Variants in CMC1 observed in about 807,000 individuals in gnomAD.
The protein encoded by CMC1 is C-X9-C motif containing 1.
Under a neutral mutation model 14.1 loss-of-function variants are expected in CMC1, and 14 were observed. The ratio of observed to expected loss-of-function variants is 0.99; its 90% CI spans 0.66 to 1.55. The LOEUF (loss-of-function observed/expected upper bound fraction) is 1.55. Ranked by LOEUF, CMC1 falls within the 40% of genes most tolerant of loss-of-function variation. The probability of loss-of-function intolerance (pLI) is 0.00; values close to 1 mark genes in which losing one functional copy is unlikely to be tolerated. For synonymous variants in CMC1, 50 were observed against 38.4 expected, an observed-to-expected ratio of 1.30 and a Z score of -1.12; for missense variants, 127 against 123.8, an observed-to-expected ratio of 1.03 and a Z score of -0.12.
chr3:28,255,722 T>TACATAC (rs1699368080), intron 1 of CMC1, among the ~76,000 whole-genome samples: 1 of 144,268 alleles, frequency 6.9e-6, no homozygotes, highest in Admixed American at 7.0e-5. Context: ...TACATGTACA[T>TACATAC]ACACACACAC....
At chr3:28,251,241 G>A (rs537083706) in intron 1 of CMC1, among the ~76,000 whole-genome samples, 1 of 152,274 alleles carries the variant, frequency 6.6e-6, no homozygotes, top group Non-Finnish European at 1.5e-5. Context: ...GGGGAAGCGG[G>A]CATGTGTGAA....
chr3:28,262,545 A>G (rs1385558132), intron 1 of CMC1, among the ~76,000 whole-genome samples: 3 of 152,134 alleles, frequency 2.0e-5, no homozygotes, highest in Non-Finnish European at 4.4e-5. Flanking sequence ...GCTTCAGAGC[A>G]TGGAGCAGCA....
chr3:28,246,185 C>CA (rs879872776), intron 1 of CMC1, among the ~76,000 whole-genome samples: 65 of 131,118 alleles, frequency 5.0e-4, no homozygotes, highest in African/African-American at 9.9e-4. Flanking sequence ...TGGCTCAGAA[C>CA]AAAAAAAAAA....
intron 2 of CMC1, among the ~76,000 whole-genome samples, chr3:28,287,078 A>T (rs1382325541): frequency 6.6e-6 from 1 of 152,118 alleles, no homozygotes; most frequent in Non-Finnish European, 1.5e-5. Context: ...TTGGTGACCA[A>T]TTCTCGGATT....
intron 1 of CMC1, among the ~76,000 whole-genome samples, chr3:28,256,957 C>G (rs1210328076): frequency 6.6e-6 from 1 of 151,928 alleles, no homozygotes; most frequent in Non-Finnish European, 1.5e-5. Context: ...TCAATTGAAC[C>G]TAAACACTAG....
chr3:28,274,514 A>G (rs35813951), intron 2 of CMC1, among the ~76,000 whole-genome samples: 39,744 of 151,760 alleles, frequency 0.26, 5,708 homozygotes, highest in African/African-American at 0.36. Flanking sequence ...TTTTTAGGTG[A>G]TCTGGCCTTT....
At chr3:28,289,009 A>G (rs1039394535) in intron 2 of CMC1, among the ~76,000 whole-genome samples, 2 of 151,628 alleles carry the variant, frequency 1.3e-5, no homozygotes, top group African/African-American at 4.8e-5. Context: ...GTTTAAAAAC[A>G]TATTTCCAAT....
In CMC1 at chr3:28,319,774, G is replaced by C; in HGVS notation, c.*145G>C. The C allele has an allele frequency of 1.4e-6, 1 of 736,756 alleles. No homozygotes were observed. Among genetic ancestry groups the C allele is most frequent in the Non-Finnish European group, 2.0e-6 (1 of 490,844 alleles). The allele number at this position is 736,756 out of a possible 1,614,324, so 45.6% of individuals were successfully genotyped here. On this transcript the variant is annotated 3_prime_UTR_variant, in exon 4 of 4. Coordinates refer to ENST00000466830, the MANE Select transcript of CMC1 (RefSeq NM_182523.2). ...TCTGAAATAAATATTTTATTTCAAAGTTTTGGTTTCTTAAATGGGAAAGGA... is the reference window on the plus strand; with the variant it reads ...TCTGAAATAAATATTTTATTTCAAACTTTTGGTTTCTTAAATGGGAAAGGA...
chr3:28,249,237 T>G (rs1489442701), intron 1 of CMC1, among the ~76,000 whole-genome samples: 1 of 152,222 alleles, frequency 6.6e-6, no homozygotes, highest in African/African-American at 2.4e-5. Flanking sequence ...CATGACTAAT[T>G]GGAATGTAGA....
At chr3:28,275,155 T>G (rs2125499570) in intron 2 of CMC1, among the ~76,000 whole-genome samples, 1 of 152,202 alleles carries the variant, frequency 6.6e-6, no homozygotes, top group Admixed American at 6.5e-5. Context: ...TTGCGATCAT[T>G]TGGAGGAGAA....
In CMC1 at chr3:28,288,062, A is replaced by G. The variant is rs146980581; in HGVS notation, c.109+24682A>G. Among the ~76,000 whole-genome samples the G allele has an allele frequency of 1.6e-3, 248 of 152,196 alleles. 3 individuals are homozygous for G. Among genetic ancestry groups the G allele is most frequent in the African/African-American group, 5.6e-3 (232 of 41,564 alleles). ...TGGCTTGTGGATACCACATACGACA[A>G]TGCAGACATCAATCATTTCCATCGT... is the stretch of plus-strand genomic sequence containing the variant. On this transcript the variant is annotated intron_variant, in intron 2 of 3. Coordinates refer to ENST00000466830, the MANE Select transcript of CMC1 (RefSeq NM_182523.2).
chr3:28,296,956 C>G (rs1701769504), intron 2 of CMC1: 1 of 152,040 alleles, frequency 6.6e-6, no homozygotes, highest in Non-Finnish European at 1.5e-5. Context: ...TGAGCCCTTC[C>G]ACCTTCAAAC....
intron 2 of CMC1, among the ~76,000 whole-genome samples, chr3:28,270,642 T>G (rs1700230481): frequency 6.6e-6 from 1 of 152,158 alleles, no homozygotes; most frequent in Non-Finnish European, 1.5e-5. Flanking sequence ...TTGTAAATTC[T>G]GGATATTAGA....
In CMC1 at chr3:28,267,598, C is replaced by T. The variant is rs58333674; in HGVS notation, c.109+4218C>T. On this transcript the variant is annotated intron_variant, in intron 2 of 3. Coordinates refer to ENST00000466830, the MANE Select transcript of CMC1 (RefSeq NM_182523.2). ...GTGGGATATAGCTCTGAAAGAATTACATAAAGTACAAGGAAGCATGGGTTA... is the reference window on the plus strand; with the variant it reads ...GTGGGATATAGCTCTGAAAGAATTATATAAAGTACAAGGAAGCATGGGTTA... Among the ~76,000 whole-genome samples, 841 of 152,242 alleles carry T rather than the reference C, an allele frequency of 5.5e-3. 4 individuals carry two copies. The highest frequency in any genetic ancestry group is 0.019 in the African/African-American group (795 of 41,538).
At chr3:28,292,155 G>A (rs940377814) in intron 2 of CMC1, among the ~76,000 whole-genome samples, 2 of 152,020 alleles carry the variant, frequency 1.3e-5, no homozygotes, top group African/African-American at 4.8e-5. Context: ...ATGGCATGTT[G>A]AGCCTTGCCA....
intron 2 of CMC1, among the ~76,000 whole-genome samples, chr3:28,309,793 A>G (rs550399578): frequency 6.7e-6 from 1 of 150,216 alleles, no homozygotes; most frequent in African/African-American, 2.5e-5. Context: ...TATTTGGTAC[A>G]TGCCTTTTCT....
chr3:28,288,111 T>C (rs1373473756), intron 2 of CMC1, among the ~76,000 whole-genome samples: 1 of 152,040 alleles, frequency 6.6e-6, no homozygotes, highest in African/African-American at 2.4e-5. Flanking sequence ...ATTGAACAGC[T>C]CTGGTATTGA....
chr3:28,284,341 C>T (rs749759656), intron 2 of CMC1, among the ~76,000 whole-genome samples: 1 of 152,134 alleles, frequency 6.6e-6, no homozygotes, highest in African/African-American at 2.4e-5. Context: ...TTGTCATATT[C>T]TTAGAGTAGA....
intron 2 of CMC1, among the ~76,000 whole-genome samples, chr3:28,297,476 A>C (rs1351460611): frequency 6.6e-6 from 1 of 152,064 alleles, no homozygotes; most frequent in East Asian, 1.9e-4. Flanking sequence ...TGCTATTTAG[A>C]ATATAATTAT....
Sources: allele counts gnomAD v4.1 joint callset (sites outside exome capture counted in the v4.1 genomes callset), GRCh38; gene constraint gnomAD v4.1.1; transcripts MANE v1.5; gene names NCBI Gene and HGNC (gene_info 2026-07-23, HGNC 2026-07-21).